The following NOX4 variants were observed in gnomAD, a reference collection of about 807,000 sequenced individuals.
The protein encoded by NOX4 is kidney oxidase-1.
Under a neutral mutation model 87.6 loss-of-function variants are expected in NOX4, and 69 were observed. The observed-to-expected ratio is 0.79, with a 90% CI of 0.65 to 0.96. NOX4 has a LOEUF of 0.96. Among genes scored for constraint, NOX4 ranks in the 40% least tolerant of loss-of-function variants. The probability of loss-of-function intolerance (pLI) is 0.00; values close to 1 mark genes in which losing one functional copy is unlikely to be tolerated. For synonymous variants in NOX4, 275 were observed against 238.2 expected (o/e 1.15, Z -1.42); for missense variants, 680 against 681.5 (o/e 1.00, Z 0.02).
At chr11:89,366,227 C>G (rs1591034746) in intron 12 of NOX4, among the ~76,000 whole-genome samples, 2 of 151,876 alleles carry the variant, frequency 1.3e-5, no homozygotes, top group African/African-American at 4.8e-5. Context: ...ATAGTAAAAT[C>G]AAGTAGAAAA....
At chr11:89,350,680 T>A (rs1393658156) in intron 13 of NOX4, among the ~76,000 whole-genome samples, 3 of 152,136 alleles carry the variant, frequency 2.0e-5, no homozygotes, top group African/African-American at 7.2e-5. Context: ...CATACAGCAG[T>A]GGTTGTGAAT....
rs532284523 is a variant in NOX4 at position 89,429,133 on chromosome 11, C to A, written c.548+3651G>T. On this transcript the variant is annotated intron_variant, in intron 7 of 17. Coordinates refer to ENST00000263317, the MANE Select transcript of NOX4 (RefSeq NM_016931.5). ...TACTGGGTACATAACAAAATGAAGGCAGAAATAAAGATATTCTTTGAAAAC... is the reference window on the plus strand; with the variant it reads ...TACTGGGTACATAACAAAATGAAGGAAGAAATAAAGATATTCTTTGAAAAC... 5.6e-4 allele frequency among the ~76,000 whole-genome samples: 86 copies of A among 152,216 alleles called. No individual in the cohort carries two copies. The East Asian group carries it at 0.015, about 27-fold the overall frequency.
intron 17 of NOX4, among the ~76,000 whole-genome samples, chr11:89,331,405 A>G (rs980367241): frequency 1.3e-5 from 2 of 152,004 alleles, no homozygotes; most frequent in African/African-American, 4.8e-5. Context: ...CTATGTTTCC[A>G]TTTTAAGAAA....
At chr11:89,350,102 A>T (rs76512346) in intron 13 of NOX4, among the ~76,000 whole-genome samples, 4,708 of 151,968 alleles carry the variant, frequency 0.031, 229 homozygotes, top group African/African-American at 0.11. Flanking sequence ...ACACCTATTC[A>T]TGTTCTGAGA....
chr11:89,544,157 A>T, the NOX4 span, among the ~76,000 whole-genome samples: 14 of 152,146 alleles, frequency 9.2e-5, no homozygotes, highest in Non-Finnish European at 1.6e-4. Flanking sequence ...ATCTCAATAC[A>T]TTTCAACCAA....
At chr11:89,453,410 T>C (rs1273361559) in intron 2 of NOX4, among the ~76,000 whole-genome samples, 2 of 152,174 alleles carry the variant, frequency 1.3e-5, no homozygotes, top group Non-Finnish European at 2.9e-5. Context: ...AAAACTGAGA[T>C]TCATATATTT....
At chr11:89,468,145 C>T (rs142414937) in intron 2 of NOX4, among the ~76,000 whole-genome samples, 62 of 152,312 alleles carry the variant, frequency 4.1e-4, no homozygotes, top group African/African-American at 1.5e-3. Context: ...GTAACCTACA[C>T]TCTGTTTGAA....
the NOX4 span, among the ~76,000 whole-genome samples, chr11:89,554,499 A>G: frequency 1.3e-5 from 2 of 152,070 alleles, no homozygotes; most frequent in African/African-American, 4.8e-5. Flanking sequence ...TTATTTTCAC[A>G]TAATTCATTT....
intron 12 of NOX4, among the ~76,000 whole-genome samples, chr11:89,366,356 G>A (rs1291716139): frequency 6.6e-6 from 1 of 152,008 alleles, no homozygotes; most frequent in African/African-American, 2.4e-5. Context: ...TCCAGTAATT[G>A]TATGATTTGT....
At chr11:89,519,524 C>A in the NOX4 span, among the ~76,000 whole-genome samples, 1 of 151,948 alleles carries the variant, frequency 6.6e-6, no homozygotes, top group Non-Finnish European at 1.5e-5. Context: ...TTTTTATCAT[C>A]TTAAAAGAGG....
chr11:89,347,477 T>G (rs114517511), intron 13 of NOX4, among the ~76,000 whole-genome samples: 1,890 of 152,324 alleles, frequency 0.012, 40 homozygotes, highest in African/African-American at 0.044. Flanking sequence ...TCACAAAGAC[T>G]TACAAGAAAG....
intron 8 of NOX4, among the ~76,000 whole-genome samples, chr11:89,407,066 C>T (rs1212598857): frequency 6.6e-6 from 1 of 152,070 alleles, no homozygotes; most frequent in Non-Finnish European, 1.5e-5. Flanking sequence ...ATCCCTTATA[C>T]ATTCATACTC....
At chr11:89,576,167 C>T in the NOX4 span, among the ~76,000 whole-genome samples, 1 of 152,276 alleles carries the variant, frequency 6.6e-6, no homozygotes, top group South Asian at 2.1e-4. Context: ...AACTTTAAAA[C>T]TGCTTGTAGT....
At chr11:89,587,715 G>A in the NOX4 span, among the ~76,000 whole-genome samples, 1 of 152,188 alleles carries the variant, frequency 6.6e-6, no homozygotes, top group African/African-American at 2.4e-5. Context: ...TGGTTTATGT[G>A]TTCAGATTTA....
At chr11:89,357,496 C>G (rs1938160034) in intron 12 of NOX4, among the ~76,000 whole-genome samples, 1 of 152,108 alleles carries the variant, frequency 6.6e-6, no homozygotes, top group African/African-American at 2.4e-5. Context: ...TTTCAGTCTA[C>G]TTGCCAATTT....
At chr11:89,343,552 C>T (rs1341583819) in intron 13 of NOX4, among the ~76,000 whole-genome samples, 1 of 151,714 alleles carries the variant, frequency 6.6e-6, no homozygotes, top group Non-Finnish European at 1.5e-5. Context: ...TACTTCATGA[C>T]ATCTACTTTT....
rs138935384 is a variant in NOX4, at chr11:89,450,613, G to A, written c.265-1089C>T. ...ATACTTTAAGTTTTAGGGTACATGT[G>A]CACAATGTGCAGGTTAGTTACATAT... is the stretch of plus-strand genomic sequence containing the variant. On this transcript the variant is annotated intron_variant, in intron 3 of 17. Coordinates refer to ENST00000263317, the MANE Select transcript of NOX4 (RefSeq NM_016931.5). Among the ~76,000 whole-genome samples, 328 of 151,766 alleles carry A rather than the reference G, an allele frequency of 2.2e-3. 1 individual carries two copies. Among genetic ancestry groups the A allele is most frequent in the Middle Eastern group, 0.01 (3 of 292 alleles).
the NOX4 span, among the ~76,000 whole-genome samples, chr11:89,513,627 T>C: frequency 6.6e-6 from 1 of 152,098 alleles, no homozygotes; most frequent in Admixed American, 6.6e-5. Context: ...GTATTAGTTC[T>C]GTGCCTCTAG....
At chr11:89,543,380 T>C in the NOX4 span, among the ~76,000 whole-genome samples, 1 of 152,180 alleles carries the variant, frequency 6.6e-6, no homozygotes, top group Non-Finnish European at 1.5e-5. Flanking sequence ...CCTATTGTTC[T>C]ACATATTAAT....
Sources: allele counts gnomAD v4.1 joint callset (sites outside exome capture counted in the v4.1 genomes callset), GRCh38; gene constraint gnomAD v4.1.1; transcripts MANE v1.5; gene names NCBI Gene and HGNC (gene_info 2026-07-23, HGNC 2026-07-21).